Variants in EVL observed in about 807,000 individuals in gnomAD.
EVL encodes Enah/Vasp-like.
A neutral mutation model predicts 59.6 loss-of-function variants in EVL; 21 were observed. That is an observed-to-expected ratio of 0.35 (90% CI 0.25 to 0.51). EVL has a LOEUF of 0.51. EVL is among the 20% of genes least tolerant of loss of function. EVL has a pLI of 0.97. For synonymous variants in EVL, 198 were observed against 203.5 expected, an observed-to-expected ratio of 0.97 and a Z score of 0.23; for missense variants, 462 against 546.6, an observed-to-expected ratio of 0.85 and a Z score of 1.54.
At chr14:100,023,533 G>C (rs2061162470) in intron 1 of EVL, among the ~76,000 whole-genome samples, 1 of 151,666 alleles carries the variant, frequency 6.6e-6, no homozygotes, top group African/African-American at 2.4e-5. Flanking sequence ...TTCCATGTTG[G>C]TCAGGCTGGT....
At chr14:100,062,281 A>G (rs2061849599), upstream of EVL, among the ~76,000 whole-genome samples, 1 of 152,010 alleles carries the variant, frequency 6.6e-6, no homozygotes, top group Admixed American at 6.6e-5. Flanking sequence ...TTTGAGTAAC[A>G]TATGACAGCT....
At chr14:100,064,222 A>T (rs542842785), upstream of EVL, among the ~76,000 whole-genome samples, 1 of 60,308 alleles carries the variant, frequency 1.7e-5, no homozygotes, top group Non-Finnish European at 5.1e-5. Flanking sequence ...CACTATATCA[A>T]TAATATTTTA....
Position 100,109,881 on chromosome 14 carries a change from T to C in EVL, c.358+12223T>C, listed in dbSNP as rs957279802. ...GACGTGAACTCGGATCTGGTTCCAG[T>C]ACCAGCTGTGCCAGGAGTGTGCCCT... On this transcript the variant is annotated intron_variant, in intron 3 of 13. Coordinates refer to ENST00000392920, the MANE Select transcript of EVL (RefSeq NM_016337.3). This position sits in a 1 kb window ranked among gnomAD's most constrained non-coding sequence, Gnocchi z 4.3. 56 of 379,656 alleles carry C rather than the reference T, an allele frequency of 1.5e-4. No individual in the cohort carries two copies. The highest frequency in any genetic ancestry group is 1.1e-3 in the African/African-American group (53 of 47,676). The allele number at this position is 379,656 out of a possible 1,614,324, so 23.5% of individuals were successfully genotyped here. A position where few individuals can be genotyped will look rare whatever the true frequency, so the allele number is the denominator to read the frequency against.
chr14:100,143,898 A>G lies in EVL; in HGVS notation c.*160A>G, dbSNP rs1369117555. 4.1e-6 allele frequency: 3 copies of G among 737,692 alleles called. No individual in the cohort carries two copies. The highest frequency in any genetic ancestry group is 3.5e-5 in the African/African-American group (2 of 56,504). The allele number at this position is 737,692 out of a possible 1,614,324, so 45.7% of individuals were successfully genotyped here. A position where few individuals can be genotyped will look rare whatever the true frequency, so the allele number is the denominator to read the frequency against. ...CTGTGATCACACATGACAGTGAGGA[A>G]ACCAAGTGCAACTCCTGGGTTTTTT... On this transcript the variant is annotated 3_prime_UTR_variant, in exon 14 of 14. Transcript: ENST00000392920.
At chr14:100,083,608 T>C (rs962177503) in intron 1 of EVL, among the ~76,000 whole-genome samples, 1 of 152,212 alleles carries the variant, frequency 6.6e-6, no homozygotes, top group African/African-American at 2.4e-5. Flanking sequence ...ATTTTAGTAA[T>C]GACTATTTTA....
intron 1 of EVL, among the ~76,000 whole-genome samples, chr14:100,070,061 T>TC (rs2062016002): frequency 2.2e-5 from 3 of 137,620 alleles, no homozygotes; most frequent in African/African-American, 9.2e-5. Context: ...ACCTCCTCTC[T>TC]TAAAAAAAAA....
intron 1 of EVL, among the ~76,000 whole-genome samples, chr14:100,040,103 G>T (rs576867914): frequency 6.6e-6 from 1 of 152,306 alleles, no homozygotes; most frequent in East Asian, 1.9e-4. Flanking sequence ...GATCTTTGTG[G>T]CTTCTGTCCC....
intron 3 of EVL, among the ~76,000 whole-genome samples, chr14:100,119,029 A>T (rs556301252): frequency 8.5e-5 from 13 of 152,288 alleles, no homozygotes; most frequent in African/African-American, 3.1e-4. Context: ...TTCAGAGAAG[A>T]GGTCAGCCAG....
At chr14:99,973,356 T>C (rs2060748075) in intron 1 of EVL, among the ~76,000 whole-genome samples, 1 of 152,258 alleles carries the variant, frequency 6.6e-6, no homozygotes, top group Non-Finnish European at 1.5e-5. Context: ...ATTGTGGTTT[T>C]AATCTGCAGT....
chr14:99,973,710 G>A (rs768768996), intron 1 of EVL, among the ~76,000 whole-genome samples: 16 of 152,144 alleles, frequency 1.1e-4, no homozygotes, highest in Non-Finnish European at 2.1e-4. Flanking sequence ...TGATCAACCC[G>A]CCTTGGCCTC....
chr14:100,000,932 G>A (rs1449743131), intron 1 of EVL, among the ~76,000 whole-genome samples: 1 of 152,126 alleles, frequency 6.6e-6, no homozygotes, highest in African/African-American at 2.4e-5. Flanking sequence ...GGCTAGGATG[G>A]TTTATTCCTA....
At chr14:100,097,434 T>G in intron 2 of EVL, 47 bp from the exon 3 acceptor site, 1 of 1,553,886 alleles carries the variant, frequency 6.4e-7, no homozygotes. Flanking sequence ...TCGAGCTCAC[T>G]TACATTTTAT....
At chr14:100,097,886 G>T in intron 3 of EVL, 1 of 427,422 alleles carries the variant, frequency 2.3e-6, no homozygotes, top group South Asian at 4.9e-5. Context: ...ATATAGATTT[G>T]TACAGATGTG....
At chr14:100,008,367 G>A (rs940458280) in intron 1 of EVL, among the ~76,000 whole-genome samples, 8 of 152,172 alleles carry the variant, frequency 5.3e-5, no homozygotes, top group African/African-American at 9.7e-5. Context: ...GTGATTGTGT[G>A]ACCCTAGGCA....
In EVL at chr14:100,108,884, A is replaced by G. The variant is rs1373231840; in HGVS notation, c.358+11226A>G. ...CTGCATGAATCTAGTCAGGTTGGAA[A>G]TTCAGAAAGTGGCCTCTTTGTCTCT... On this transcript the variant is annotated intron_variant, in intron 3 of 13. Transcript: ENST00000392920. This position sits in a 1 kb window ranked among gnomAD's most constrained non-coding sequence, Gnocchi z 4.1. Among the ~76,000 whole-genome samples, 1 of 152,178 alleles carries G rather than the reference A, an allele frequency of 6.6e-6. No individual in the cohort carries two copies. Among genetic ancestry groups the G allele is most frequent in the African/African-American group, 2.4e-5 (1 of 41,432 alleles).
intron 1 of EVL, among the ~76,000 whole-genome samples, chr14:100,042,112 T>A (rs890355009): frequency 7.2e-5 from 11 of 152,238 alleles, no homozygotes. Context: ...TTCAACAGTG[T>A]TACTATGGTA....
Position 100,137,603 on chromosome 14 carries a change from G to A in EVL, c.990G>A (p.Arg330=). Residue 330 remains arginine, a synonymous_variant, in exon 10 of 14, where the codon CGG becomes CGA. Coordinates refer to ENST00000392920, the MANE Select transcript of EVL (RefSeq NM_016337.3). ...AGGCTGGCCGGAAGCCCTGGGAGCGGAGCAACTCGGTGGAGAAGCCTGTGT... is the reference window on the plus strand; with the variant it reads ...AGGCTGGCCGGAAGCCCTGGGAGCGAAGCAACTCGGTGGAGAAGCCTGTGT... The part of the protein sequence containing the change: ...SSEAGRKPWE[R]SNSVEKPVSS... 3 of 1,614,042 alleles carry A rather than the reference G, an allele frequency of 1.9e-6. No homozygotes were observed. Among genetic ancestry groups the A allele is most frequent in the Non-Finnish European group, 2.5e-6 (3 of 1,180,038 alleles).
chr14:99,983,620 C>T (rs2060822286), intron 1 of EVL, among the ~76,000 whole-genome samples: 1 of 152,204 alleles, frequency 6.6e-6, no homozygotes, highest in East Asian at 1.9e-4. Context: ...CTGCCTGCTG[C>T]TCTGCTGCTT....
At position 100,039,817 on chromosome 14, in the gene EVL, G is replaced by A. The variant is rs143420001; in HGVS notation, c.6-44870G>A. On this transcript the variant is annotated intron_variant, in intron 1 of 13. Transcript: ENST00000402714. ...TTGTTTTTAATAGAGACAGGGTCTC[G>A]CTCTGTTACCGAGGTTGGAATGCAG... 1.6e-4 allele frequency among the ~76,000 whole-genome samples: 25 copies of A among 152,002 alleles called. No individual in the cohort carries two copies. The East Asian group carries it at 4.6e-3, about 28-fold the overall frequency.
Sources: allele counts gnomAD v4.1 joint callset (sites outside exome capture counted in the v4.1 genomes callset), GRCh38; gene constraint gnomAD v4.1.1; non-coding constraint Gnocchi (gnomAD v3.1); transcripts MANE v1.5; gene names NCBI Gene and HGNC (gene_info 2026-07-23, HGNC 2026-07-21).